Variants in SHROOM3 observed in about 807,000 individuals in gnomAD.
SHROOM3 encodes the protein shroom family member 3, also known as protein Shroom3.
A neutral mutation model predicts 138.6 loss-of-function variants in SHROOM3; 47 were observed. That is an observed-to-expected ratio of 0.34 (90% CI 0.27 to 0.43). The LOEUF is 0.43. SHROOM3 is among the 20% of genes least tolerant of loss of function. The probability of loss-of-function intolerance (pLI) is 1.00; values close to 1 mark genes in which losing one functional copy is unlikely to be tolerated. For missense variants in SHROOM3, 2,491 were observed against 2,596.5 expected (o/e 0.96, Z 0.88); for synonymous variants, 1,062 against 1,063.3 (o/e 1.00, Z 0.02).
intron 2 of SHROOM3, among the ~76,000 whole-genome samples, chr4:76,689,383 C>CCGAGCCAGCGCCGAGCCAGCGCCGAGCCA (rs1560591900): frequency 1.3e-5 from 2 of 150,674 alleles, no homozygotes; most frequent in East Asian, 2.0e-4. Context: ...CGAGCCAGCG[C>CCGAGCCAGCGCCGAGCCAGCGCCGAGCCA]GGCCCCTCGG....
intron 2 of SHROOM3, among the ~76,000 whole-genome samples, chr4:76,654,322 G>A (rs190187249): frequency 4.7e-4 from 71 of 152,308 alleles, no homozygotes; most frequent in African/African-American, 1.6e-3. Context: ...CTGAGAGTTT[G>A]TACTTTATTC....
At chr4:76,716,648 C>T (rs544594593) in intron 3 of SHROOM3, among the ~76,000 whole-genome samples, 9 of 152,298 alleles carry the variant, frequency 5.9e-5, no homozygotes, top group African/African-American at 2.2e-4. Flanking sequence ...TTCTCATTCT[C>T]CTATGTATAA....
At chr4:76,515,241 C>G (rs1484510781) in intron 1 of SHROOM3, among the ~76,000 whole-genome samples, 2 of 147,884 alleles carry the variant, frequency 1.4e-5, no homozygotes, top group Admixed American at 6.8e-5. Flanking sequence ...AAAAAATTAG[C>G]TGGATGTTGT....
intron 2 of SHROOM3, among the ~76,000 whole-genome samples, chr4:76,577,412 C>A (rs1165490222): frequency 6.6e-6 from 1 of 152,152 alleles, no homozygotes; most frequent in Non-Finnish European, 1.5e-5. Context: ...CCCTTCATTG[C>A]CCTGTTCTTC....
intron 9 of SHROOM3, 82 bp from the exon 10 acceptor site, chr4:76,770,544 A>G: frequency 6.5e-7 from 1 of 1,543,586 alleles, no homozygotes; most frequent in Non-Finnish European, 8.8e-7. Flanking sequence ...TGAAGATGAC[A>G]GAAGGTGGCT....
chr4:76,509,272 T>G (rs996018136), intron 1 of SHROOM3: 3 of 151,892 alleles, frequency 2.0e-5, no homozygotes, highest in Non-Finnish European at 4.4e-5. Flanking sequence ...GAATCCAGCA[T>G]CCACAATATT....
At chr4:76,776,032 A>G (rs980650163) in intron 10 of SHROOM3, among the ~76,000 whole-genome samples, 1 of 151,936 alleles carries the variant, frequency 6.6e-6, no homozygotes, top group Non-Finnish European at 1.5e-5. Flanking sequence ...TGTACTTTTC[A>G]TTCTTTAAGG....
intron 1 of SHROOM3, among the ~76,000 whole-genome samples, chr4:76,527,867 A>G (rs4241595): frequency 0.73 from 110,487 of 152,056 alleles, 40,956 homozygotes; most frequent in East Asian, 0.92. Context: ...TGTCACGTGC[A>G]GATTGGCTGG....
intron 2 of SHROOM3, among the ~76,000 whole-genome samples, chr4:76,704,726 C>T (rs344124): frequency 0.76 from 114,933 of 152,122 alleles, 43,634 homozygotes; most frequent in African/African-American, 0.81. Flanking sequence ...AGGATTTCAT[C>T]AGGGAATGAC....
chr4:76,710,071 G>C (rs751944309), intron 2 of SHROOM3, 85 bp from the exon 3 acceptor site: 29 of 1,598,168 alleles, frequency 1.8e-5, no homozygotes, highest in Non-Finnish European at 2.5e-5. Context: ...TCGTTTTCAT[G>C]TGCTTTTTCG....
intron 1 of SHROOM3, among the ~76,000 whole-genome samples, chr4:76,537,466 T>A (rs1024352233): frequency 3.9e-5 from 6 of 152,166 alleles, no homozygotes; most frequent in African/African-American, 1.4e-4. Context: ...TCCTGACTGC[T>A]ATGTTGAGAA....
chr4:76,769,120 G>T (rs986579487), intron 9 of SHROOM3, among the ~76,000 whole-genome samples: 12 of 147,498 alleles, frequency 8.1e-5, no homozygotes, highest in African/African-American at 2.2e-4. Context: ...TTGTGTGTGT[G>T]TTTTTTTTTT....
chr4:76,472,633 G>T (rs1731397604), intron 1 of SHROOM3, among the ~76,000 whole-genome samples: 1 of 151,656 alleles, frequency 6.6e-6, no homozygotes. Flanking sequence ...TGAGTGATTT[G>T]TATCTCAGTT....
intron 2 of SHROOM3, among the ~76,000 whole-genome samples, chr4:76,687,251 T>A (rs1174297723): frequency 6.6e-6 from 1 of 152,230 alleles, no homozygotes; most frequent in Non-Finnish European, 1.5e-5. Context: ...TATGTGTAAC[T>A]TTCTCACAAA....
At chr4:76,460,782 A>G (rs1731123631) in intron 1 of SHROOM3, among the ~76,000 whole-genome samples, 1 of 142,612 alleles carries the variant, frequency 7.0e-6, no homozygotes, top group Non-Finnish European at 1.5e-5. Flanking sequence ...TTTTAAGTCC[A>G]GGAGTCAAGA....
At chr4:76,471,071 C>T (rs962562459) in intron 1 of SHROOM3, among the ~76,000 whole-genome samples, 1 of 152,036 alleles carries the variant, frequency 6.6e-6, no homozygotes, top group African/African-American at 2.4e-5. Flanking sequence ...TACTCAACTC[C>T]ACTTTTGTTA....
rs1024697168 is a variant in SHROOM3 at position 76,548,416 on chromosome 4, C to T, written c.169-7193C>T. Among the ~76,000 whole-genome samples the T allele has an allele frequency of 4.5e-4, 68 of 152,234 alleles. 1 individual carries two copies. ...CCATAACAGCAGCTCCACCCTTTCT[C>T]ACTTAGACTGGGCTAGAGTGGTTAA... On this transcript the variant is annotated intron_variant, in intron 1 of 10. Transcript: ENST00000296043.
In SHROOM3 at chr4:76,779,031, G is replaced by A. The variant is rs747544804; in HGVS notation, c.5845G>A (p.Val1949Ile). The A allele has an allele frequency of 6.2e-7, 1 of 1,614,236 alleles. No individual in the cohort carries two copies. Among genetic ancestry groups the A allele is most frequent in the Non-Finnish European group, 8.5e-7 (1 of 1,180,044 alleles). ...DDKIKLGQEQ[V>I]KCLLESLPSD... ...CAAGATCAAGCTGGGCCAGGAGCAGGTCAAGTGTCTGCTGGAGAGCCTGCC... is the reference window on the plus strand; with the variant it reads ...CAAGATCAAGCTGGGCCAGGAGCAGATCAAGTGTCTGCTGGAGAGCCTGCC... Residue 1949 changes from valine (V) to isoleucine (I), a missense_variant, in exon 11 of 11, where the codon GTC becomes ATC. Val to Ile is a conservative substitution (Grantham distance 29, BLOSUM62 3). This residue lies in a region of SHROOM3 where 470 missense variants were observed against 595.0 expected (regional missense o/e 0.79). Coordinates refer to ENST00000296043, the MANE Select transcript of SHROOM3 (RefSeq NM_020859.4).
At chr4:76,441,311 A>T (rs973772471) in intron 1 of SHROOM3, among the ~76,000 whole-genome samples, 13 of 151,922 alleles carry the variant, frequency 8.6e-5, no homozygotes, top group African/African-American at 2.4e-4. Context: ...GCCAGGATGG[A>T]CTCGATCTCC....
Sources: gnomAD v4.1 joint callset for allele counts (sites outside exome capture counted in the v4.1 genomes callset) on GRCh38, gnomAD v4.1.1 for gene constraint, gnomAD v4.1.1 regional missense constraint, MANE v1.5 for transcripts, NCBI Gene and HGNC (gene_info 2026-07-23, HGNC 2026-07-21) for gene names.